Variants in DNAH9 observed in about 807,000 individuals in gnomAD.
The protein encoded by DNAH9 is DNAH9 variant protein.
DNAH9 carries 345 observed loss-of-function variants against 471.6 expected under a neutral mutation model. That is an observed-to-expected ratio of 0.73 (90% CI 0.67 to 0.80). The LOEUF is 0.80. Ranked by LOEUF, DNAH9 falls within the 30% of genes least tolerant of loss-of-function variation. The pLI, the probability that DNAH9 is intolerant of heterozygous loss-of-function variation, is 0.00. For synonymous variants in DNAH9, 2,093 were observed against 2,123.6 expected, an observed-to-expected ratio of 0.99 and a Z score of 0.40; for missense variants, 5,407 against 5,609.2, an observed-to-expected ratio of 0.96 and a Z score of 1.15.
chr17:11,950,941 G>T (rs528081619), intron 67 of DNAH9, among the ~76,000 whole-genome samples: 1 of 152,074 alleles, frequency 6.6e-6, no homozygotes, highest in Non-Finnish European at 1.5e-5. Flanking sequence ...CCAGTGTACC[G>T]CCAGCAGTCC....
At chr17:11,812,048 TATATATAC>T (rs1416996235) in intron 45 of DNAH9, among the ~76,000 whole-genome samples, 5,313 of 78,960 alleles carry the variant, frequency 0.067, 798 homozygotes, top group African/African-American at 0.19. Context: ...TATATATATA[TATATATAC>T]ACATACATAC....
chr17:11,605,208 C>T (rs2072474681), intron 1 of DNAH9, among the ~76,000 whole-genome samples: 1 of 152,156 alleles, frequency 6.6e-6, no homozygotes, highest in African/African-American at 2.4e-5. Flanking sequence ...AGCCTTTGTT[C>T]AAATCTTATC....
intron 14 of DNAH9, among the ~76,000 whole-genome samples, chr17:11,662,737 T>C (rs1011820918): frequency 3.3e-5 from 5 of 149,344 alleles, no homozygotes; most frequent in Non-Finnish European, 7.4e-5. Flanking sequence ...CTTGATCCTG[T>C]TGAGGCTCGC....
chr17:11,834,486 GC>G, intron 48 of DNAH9, 151 bp from the exon 49 acceptor site: 1 of 900,792 alleles, frequency 1.1e-6, no homozygotes, highest in South Asian at 1.8e-5. Flanking sequence ...CCATCTGACA[GC>G]GCAGCTTTGT....
At position 11,929,932 on chromosome 17, in the gene DNAH9, A is replaced by C. The variant is rs1322685304; in HGVS notation, c.11944A>C (p.Ser3982Arg). 6.2e-7 allele frequency: 1 copy of C among 1,613,968 alleles called. No individual in the cohort carries two copies. The highest frequency in any genetic ancestry group is 2.2e-5 in the East Asian group (1 of 44,874). ...GAAGCTGGAGGAGCACAGTGAGAAC[A>C]GCCACCCAGAGTTCAGGGTCTTCAT... ...EKKLEEHSEN[S>R]HPEFRVFMSA... is the part of the protein sequence containing the mutation. The change falls in exon 63 of 69, where the codon AGC (serine) becomes CGC (arginine). Residue 3982 changes from serine (S) to arginine (R), a missense_variant. By Grantham distance (110) the Ser-to-Arg change is moderately radical. Transcript: ENST00000262442.
At chr17:11,720,993 G>T (rs1279961573) in intron 27 of DNAH9, among the ~76,000 whole-genome samples, 1 of 151,594 alleles carries the variant, frequency 6.6e-6, no homozygotes, top group Admixed American at 6.6e-5. Flanking sequence ...TTGAGCAATG[G>T]CAGCAGCACT....
At chr17:11,685,024 C>A (rs2074214481) in intron 19 of DNAH9, among the ~76,000 whole-genome samples, 1 of 152,164 alleles carries the variant, frequency 6.6e-6, no homozygotes, top group South Asian at 2.1e-4. Context: ...ATGGTCTCAG[C>A]AGTGGAGCCA....
chr17:11,895,610 T>C (rs1240708492), intron 59 of DNAH9, among the ~76,000 whole-genome samples: 1 of 152,194 alleles, frequency 6.6e-6, no homozygotes, highest in East Asian at 1.9e-4. Flanking sequence ...ATCTGGGAAA[T>C]TGTCATTGAT....
At chr17:11,852,814 G>GTATATA (rs58555259) in intron 49 of DNAH9, among the ~76,000 whole-genome samples, 32 of 92,660 alleles carry the variant, frequency 3.5e-4, no homozygotes, top group South Asian at 2.6e-3. Context: ...GTGTGTGTGT[G>GTATATA]TATATATATA....
chr17:11,725,097 A>G (rs1301922951), intron 27 of DNAH9, among the ~76,000 whole-genome samples: 1 of 152,208 alleles, frequency 6.6e-6, no homozygotes. Context: ...TCAGGCAATA[A>G]TGCAGGTGAT....
chr17:11,614,017 T>TA, intron 4 of DNAH9, among the ~76,000 whole-genome samples: 1 of 152,214 alleles, frequency 6.6e-6, no homozygotes, highest in Non-Finnish European at 1.5e-5. Context: ...GAATTTTTTT[T>TA]AAAAAAGATA....
intron 49 of DNAH9, among the ~76,000 whole-genome samples, chr17:11,841,398 G>T (rs947022293): frequency 6.6e-6 from 1 of 152,150 alleles, no homozygotes; most frequent in Non-Finnish European, 1.5e-5. Flanking sequence ...TTTTTAAAGC[G>T]TGTGGGTAAG....
chr17:11,761,441 C>T (rs1967661923), intron 35 of DNAH9, among the ~76,000 whole-genome samples: 2 of 152,166 alleles, frequency 1.3e-5, no homozygotes, highest in Non-Finnish European at 2.9e-5. Context: ...CTCCTTGGCT[C>T]CTCCCCATCA....
chr17:11,825,565 T>C (rs1970459714), intron 48 of DNAH9, among the ~76,000 whole-genome samples: 3 of 152,218 alleles, frequency 2.0e-5, no homozygotes, highest in African/African-American at 7.2e-5. Flanking sequence ...GTAGGTGATC[T>C]CTATTTAACA....
chr17:11,822,287 G>A, intron 46 of DNAH9, 151 bp from the exon 47 acceptor site: 1 of 1,068,490 alleles, frequency 9.4e-7, no homozygotes, highest in Non-Finnish European at 1.4e-6. Context: ...TGATCTCTTG[G>A]CTGGTGAGGC....
chr17:11,899,885 G>A (rs934842227), intron 59 of DNAH9, among the ~76,000 whole-genome samples: 1 of 152,134 alleles, frequency 6.6e-6, no homozygotes, highest in Non-Finnish European at 1.5e-5. Context: ...ACCCTGCTAG[G>A]TCTAAGGCGT....
At chr17:11,845,299 T>G (rs1014189034) in intron 49 of DNAH9, among the ~76,000 whole-genome samples, 3 of 138,782 alleles carry the variant, frequency 2.2e-5, no homozygotes, top group Admixed American at 1.6e-4. Context: ...AATGATGATT[T>G]CCAATTTCAT....
At chr17:11,635,934 C>A (rs1406407359) in intron 8 of DNAH9, among the ~76,000 whole-genome samples, 4 of 152,046 alleles carry the variant, frequency 2.6e-5, no homozygotes, top group Non-Finnish European at 4.4e-5. Flanking sequence ...GCCAACTTAG[C>A]TTCTTTTTCT....
chr17:11,912,360 C>T (rs1973819696), intron 61 of DNAH9, among the ~76,000 whole-genome samples: 6 of 152,136 alleles, frequency 3.9e-5, no homozygotes, highest in Admixed American at 3.9e-4. Flanking sequence ...GTAGAAATAG[C>T]AAGTTCAGAC....
Sources: gnomAD v4.1 joint callset for allele counts (sites outside exome capture counted in the v4.1 genomes callset) on GRCh38, gnomAD v4.1.1 for gene constraint, MANE v1.5 for transcripts, NCBI Gene and HGNC (gene_info 2026-07-23, HGNC 2026-07-21) for gene names.